SLC24A2: variants seen among roughly 807,000 people sequenced by gnomAD.
SLC24A2 encodes sodium/potassium/calcium exchanger 2.
A neutral mutation model predicts 62.0 loss-of-function variants in SLC24A2; 36 were observed. That is an observed-to-expected ratio of 0.58 (90% CI 0.44 to 0.77). SLC24A2 has a LOEUF of 0.77. Among genes scored for constraint, SLC24A2 ranks in the 30% least tolerant of loss-of-function variants. The pLI is 0.00. For missense variants in SLC24A2, 846 were observed against 817.9 expected (o/e 1.03, Z -0.42); for synonymous variants, 358 against 294.0 (o/e 1.22, Z -2.23).
chr9:20,202,050 GGTGTGTGT>G, the SLC24A2 span, among the ~76,000 whole-genome samples: 1,199 of 141,768 alleles, frequency 8.5e-3, 8 homozygotes, highest in Admixed American at 0.024. Flanking sequence ...CCCATTTCAT[GGTGTGTGT>G]GTGTGTGTGT....
chr9:20,153,149 T>G, the SLC24A2 span, among the ~76,000 whole-genome samples: 1 of 151,966 alleles, frequency 6.6e-6, no homozygotes, highest in Non-Finnish European at 1.5e-5. Flanking sequence ...TGTTAACATT[T>G]TGATGTTTTG....
At chr9:19,727,457 A>G (rs901288045) in intron 2 of SLC24A2, among the ~76,000 whole-genome samples, 43 of 152,028 alleles carry the variant, frequency 2.8e-4, no homozygotes, top group African/African-American at 9.9e-4. Context: ...TACACACTAC[A>G]TCATTTAGTT....
the SLC24A2 span, among the ~76,000 whole-genome samples, chr9:20,006,894 T>C: frequency 6.6e-6 from 1 of 152,210 alleles, no homozygotes; most frequent in African/African-American, 2.4e-5. Context: ...GGGTACACAG[T>C]GCTTGCCTTC....
chr9:19,890,765 C>T, the SLC24A2 span, among the ~76,000 whole-genome samples: 2 of 152,182 alleles, frequency 1.3e-5, no homozygotes, highest in African/African-American at 4.8e-5. Context: ...CCCGCCTCAG[C>T]CTCCCAAGTA....
At chr9:20,124,306 TA>T in the SLC24A2 span, among the ~76,000 whole-genome samples, 17,001 of 140,016 alleles carry the variant, frequency 0.12, 1,591 homozygotes, top group East Asian at 0.55. Context: ...CCCAAAAGCT[TA>T]AAAAAAAAAA....
chr9:19,764,109 T>C lies in SLC24A2; in HGVS notation c.930+21828A>G, dbSNP rs535342045. Among the ~76,000 whole-genome samples, 8 of 152,354 alleles carry C rather than the reference T, an allele frequency of 5.3e-5. No homozygotes were observed. In the South Asian group the frequency reaches 1.7e-3, roughly 32 times the overall value. ...TCTATTTTATTTGCATAGAGGTGTT[T>C]ATAGTATTCTTGGATGGTAGTTTGT... is the stretch of plus-strand genomic sequence containing the variant. On this transcript the variant is annotated intron_variant, in intron 2 of 10. Coordinates refer to ENST00000341998, the MANE Select transcript of SLC24A2 (RefSeq NM_020344.4).
At chr9:20,274,589 G>A in the SLC24A2 span, among the ~76,000 whole-genome samples, 4 of 152,134 alleles carry the variant, frequency 2.6e-5, no homozygotes, top group Non-Finnish European at 5.9e-5. Flanking sequence ...CACAGGTAAA[G>A]GGAACCCTGG....
At chr9:19,679,840 G>C (rs966144115) in intron 2 of SLC24A2, among the ~76,000 whole-genome samples, 3 of 23,134 alleles carry the variant, frequency 1.3e-4, no homozygotes, top group African/African-American at 2.2e-4. Flanking sequence ...CACATATACT[G>C]TGTGTGTGTG....
intron 7 of SLC24A2, among the ~76,000 whole-genome samples, chr9:19,572,228 C>T (rs1423360521): frequency 7.2e-6 from 1 of 138,106 alleles, no homozygotes; most frequent in African/African-American, 2.7e-5. Flanking sequence ...TCACTGCACT[C>T]CAGGCTGGGT....
At chr9:20,259,595 A>C in the SLC24A2 span, among the ~76,000 whole-genome samples, 4 of 152,144 alleles carry the variant, frequency 2.6e-5, no homozygotes, top group African/African-American at 9.7e-5. Context: ...AGTCAGAGAC[A>C]TCAACTGAAA....
chr9:19,865,980 A>C, the SLC24A2 span, among the ~76,000 whole-genome samples: 2 of 152,252 alleles, frequency 1.3e-5, no homozygotes, highest in African/African-American at 4.8e-5. Flanking sequence ...ATATGTCAGG[A>C]GTGCAAACAG....
At chr9:19,858,570 A>G in the SLC24A2 span, among the ~76,000 whole-genome samples, 1 of 152,220 alleles carries the variant, frequency 6.6e-6, no homozygotes, top group Non-Finnish European at 1.5e-5. Context: ...AACCTACAGA[A>G]TGGGAGAAAA....
rs891034307 is a variant in SLC24A2 at position 19,511,889 on chromosome 9, GTGTT to G, written c.*4260_*4263del. ...CGCGTGTGTGTGGGGGTGTGGGTGT[GTGTT>G]TGGTAGATGTGGGGAGGAAAGCACA... On this transcript the variant is annotated 3_prime_UTR_variant, in exon 11 of 11. Transcript: ENST00000341998. 1 of 152,382 alleles carries G rather than the reference GTGTT, an allele frequency of 6.6e-6. No individual in the cohort carries two copies. Among genetic ancestry groups the G allele is most frequent in the Non-Finnish European group, 1.5e-5 (1 of 68,154 alleles). The allele number at this position is 152,382 out of a possible 1,614,324, so 9.4% of individuals were successfully genotyped here.
the SLC24A2 span, among the ~76,000 whole-genome samples, chr9:20,131,925 A>G: frequency 6.6e-6 from 1 of 152,188 alleles, no homozygotes; most frequent in Non-Finnish European, 1.5e-5. Context: ...TGCTTTGGGA[A>G]TAATTTGGCA....
chr9:20,104,411 G>C, the SLC24A2 span, among the ~76,000 whole-genome samples: 1 of 152,110 alleles, frequency 6.6e-6, no homozygotes, highest in South Asian at 2.1e-4. Context: ...ATTCACCAAA[G>C]TTGAAATGAA....
chr9:20,255,717 T>C, the SLC24A2 span, among the ~76,000 whole-genome samples: 1 of 152,130 alleles, frequency 6.6e-6, no homozygotes, highest in African/African-American at 2.4e-5. Context: ...TCCTAGAAAA[T>C]GGCCCGACAT....
the SLC24A2 span, among the ~76,000 whole-genome samples, chr9:19,911,082 A>C: frequency 1.0e-5 from 1 of 96,646 alleles, no homozygotes; most frequent in Admixed American, 1.6e-4. Context: ...CCCACCCCAC[A>C]ACAGTCCCCA....
At chr9:19,676,886 T>C (rs918688532) in intron 2 of SLC24A2, among the ~76,000 whole-genome samples, 6 of 152,210 alleles carry the variant, frequency 3.9e-5, no homozygotes, top group African/African-American at 1.4e-4. Flanking sequence ...AGAGATACCA[T>C]CTCACACCAG....
chr9:19,801,884 A>G, the SLC24A2 span, among the ~76,000 whole-genome samples: 2 of 152,232 alleles, frequency 1.3e-5, no homozygotes, highest in African/African-American at 4.8e-5. Context: ...CTATAAACCA[A>G]GAACATATCA....
Sources: gnomAD v4.1 joint callset for allele counts (sites outside exome capture counted in the v4.1 genomes callset) on GRCh38, gnomAD v4.1.1 for gene constraint, MANE v1.5 for transcripts, NCBI Gene and HGNC (gene_info 2026-07-23, HGNC 2026-07-21) for gene names.